ANKRD11: variants seen among roughly 807,000 people sequenced by gnomAD.
ANKRD11 encodes the protein ankyrin repeat domain-containing protein 11.
In ANKRD11, 17 loss-of-function variants were observed where a neutral mutation model predicts 195.7. The observed-to-expected ratio is 0.09, with a 90% CI of 0.06 to 0.13. ANKRD11 has a LOEUF of 0.13. Among genes scored for constraint, ANKRD11 ranks in the 10% least tolerant of loss-of-function variants. The pLI is 1.00. For synonymous variants in ANKRD11, 1,953 were observed against 1,528.1 expected (o/e 1.28, Z -6.49); for missense variants, 3,735 against 3,566.1 (o/e 1.05, Z -1.21).
chr16:89,306,595 G>A (rs1597561706), intron 3 of ANKRD11, among the ~76,000 whole-genome samples: 3 of 62,540 alleles, frequency 4.8e-5, no homozygotes, highest in South Asian at 1.2e-3. Flanking sequence ...GCAGACACGC[G>A]CCACCTCCCA....
intron 2 of ANKRD11, among the ~76,000 whole-genome samples, chr16:89,368,381 T>TTG (rs1555554620): frequency 8.1e-6 from 1 of 124,040 alleles, no homozygotes; most frequent in African/African-American, 3.9e-5. Flanking sequence ...GTTTTTTTTT[T>TTG]TTTTTTTTTT....
chr16:89,324,584 G>A, intron 2 of ANKRD11: 2 of 450,896 alleles, frequency 4.4e-6, no homozygotes, highest in Non-Finnish European at 8.9e-6. Flanking sequence ...GGGGGGGCAT[G>A]ATCTCATCAG....
At chr16:89,360,616 G>A (rs2039687685) in intron 2 of ANKRD11, 1 of 152,186 alleles carries the variant, frequency 6.6e-6, no homozygotes, top group Non-Finnish European at 1.5e-5. Flanking sequence ...CATTCTAGAA[G>A]CCAGTGCACC....
chr16:89,434,478 G>A (rs999652026), intron 1 of ANKRD11, among the ~76,000 whole-genome samples: 1 of 152,202 alleles, frequency 6.6e-6, no homozygotes, highest in South Asian at 2.1e-4. Context: ...CTGCAGCCAG[G>A]AGGAGCAGCA....
chr16:89,323,865 C>A, intron 2 of ANKRD11: 1 of 216,666 alleles, frequency 4.6e-6, no homozygotes. Flanking sequence ...GGGTGTCCTC[C>A]GTCTCACCCC....
chr16:89,368,527 T>G (rs571863415), intron 2 of ANKRD11, among the ~76,000 whole-genome samples: 5 of 151,456 alleles, frequency 3.3e-5, no homozygotes, highest in African/African-American at 4.8e-5. Flanking sequence ...GCCCAGAGCT[T>G]CTTTTGTGCA....
chr16:89,437,483 C>T (rs2043263578), intron 1 of ANKRD11, among the ~76,000 whole-genome samples: 1 of 152,032 alleles, frequency 6.6e-6, no homozygotes, highest in African/African-American at 2.4e-5. Context: ...TCTGTGCCTC[C>T]CACTCTCTCA....
At chr16:89,330,417 G>T (rs1455403206) in intron 2 of ANKRD11, among the ~76,000 whole-genome samples, 1 of 152,104 alleles carries the variant, frequency 6.6e-6, no homozygotes, top group Non-Finnish European at 1.5e-5. Flanking sequence ...CACCGGGAGG[G>T]CTGCTGCTGG....
chr16:89,272,830 T>A (rs2033283793), intron 11 of ANKRD11: 1 of 152,106 alleles, frequency 6.6e-6, no homozygotes, highest in African/African-American at 2.4e-5. Flanking sequence ...CAAAAAAGAA[T>A]GAGATCCTGT....
At chr16:89,286,671 C>A in intron 7 of ANKRD11, 2 of 1,236,564 alleles carry the variant, frequency 1.6e-6, no homozygotes, top group South Asian at 1.4e-5. Context: ...TTTCTGCAAG[C>A]TGCTTTATTT....
chr16:89,395,968 G>A (rs1263531207), intron 2 of ANKRD11: 1 of 152,136 alleles, frequency 6.6e-6, no homozygotes, highest in African/African-American at 2.4e-5. Flanking sequence ...CAGACACAGC[G>A]GCCTCTGGAC....
At chr16:89,403,610 T>G (rs1293413798) in intron 2 of ANKRD11, 1 of 151,954 alleles carries the variant, frequency 6.6e-6, no homozygotes. Context: ...ATAAAAGCCC[T>G]GCTGCCTCCC....
chr16:89,430,036 G>T (rs1332180809), intron 1 of ANKRD11, among the ~76,000 whole-genome samples: 11 of 129,450 alleles, frequency 8.5e-5, no homozygotes, highest in Admixed American at 8.3e-4. Flanking sequence ...ACGCTCAGTC[G>T]TTCTAGTACA....
At chr16:89,485,511 G>C (rs570110925) in intron 1 of ANKRD11, among the ~76,000 whole-genome samples, 2 of 152,070 alleles carry the variant, frequency 1.3e-5, no homozygotes, top group East Asian at 3.9e-4. Context: ...AAACTGTGAG[G>C]TTTCTTAGAG....
intron 4 of ANKRD11, among the ~76,000 whole-genome samples, chr16:89,296,968 C>A (rs2035478353): frequency 1.3e-5 from 2 of 152,216 alleles, no homozygotes; most frequent in African/African-American, 4.8e-5. Context: ...ACAGTGTCTA[C>A]CCTGATAGCC....
intron 1 of ANKRD11, among the ~76,000 whole-genome samples, chr16:89,444,833 T>C (rs977278278): frequency 1.3e-5 from 2 of 151,886 alleles, no homozygotes; most frequent in Non-Finnish European, 1.5e-5. Flanking sequence ...CAAATAAAGA[T>C]CAACTATGAT....
chr16:89,371,646 G>A (rs1446553746), intron 2 of ANKRD11, among the ~76,000 whole-genome samples: 2 of 152,124 alleles, frequency 1.3e-5, no homozygotes, highest in East Asian at 1.9e-4. Flanking sequence ...CCAAGGAGGG[G>A]TGTGGAGGGC....
chr16:89,419,278 C>A (rs1000861345), intron 1 of ANKRD11, among the ~76,000 whole-genome samples: 2 of 151,522 alleles, frequency 1.3e-5, no homozygotes, highest in African/African-American at 2.4e-5. Context: ...AGGGCAAAAC[C>A]CCGTCTCTAC....
chr16:89,317,452 C>T (rs768274253), intron 2 of ANKRD11, among the ~76,000 whole-genome samples: 1 of 152,214 alleles, frequency 6.6e-6, no homozygotes, highest in African/African-American at 2.4e-5. Flanking sequence ...GTCCCTTCCC[C>T]GCATTACAGG....
Sources: gnomAD v4.1 joint callset for allele counts (sites outside exome capture counted in the v4.1 genomes callset) on GRCh38, gnomAD v4.1.1 for gene constraint, MANE v1.5 for transcripts, NCBI Gene and HGNC (gene_info 2026-07-23, HGNC 2026-07-21) for gene names.